The following DDX6 variants were observed in gnomAD, a reference collection of about 807,000 sequenced individuals.
The protein encoded by DDX6 is DEAD-box helicase 6, also known as probable ATP-dependent RNA helicase DDX6.
Under a neutral mutation model 60.6 loss-of-function variants are expected in DDX6, and 7 were observed. The ratio of observed to expected loss-of-function variants is 0.12; its 90% CI spans 0.07 to 0.22. The LOEUF (loss-of-function observed/expected upper bound fraction) is 0.22, where lower values mean the gene tolerates loss of function less well. Among genes scored for constraint, DDX6 ranks in the 10% least tolerant of loss-of-function variants. The probability of loss-of-function intolerance (pLI) is 1.00; values close to 1 mark genes in which losing one functional copy is unlikely to be tolerated. For synonymous variants in DDX6, 207 were observed against 201.0 expected (o/e 1.03, Z -0.25); for missense variants, 270 against 589.9 (o/e 0.46, Z 5.62).
chr11:118,754,558 G>A, intron 13 of DDX6, 147 bp downstream of exon 13: 1 of 653,988 alleles, frequency 1.5e-6, no homozygotes, highest in Admixed American at 3.4e-5. Flanking sequence ...CCTCCCACAA[G>A]AGATATTATT....
intron 13 of DDX6, among the ~76,000 whole-genome samples, 187 bp from the exon 14 acceptor site, chr11:118,752,284 CTGAA>C (rs1217188679): frequency 6.6e-6 from 1 of 152,088 alleles, no homozygotes; most frequent in Non-Finnish European, 1.5e-5. Context: ...GATTGGGGGC[CTGAA>C]TGAATGTGAA....
chr11:118,748,798 T>TTCCAACAATTTATA lies in DDX6; in HGVS notation c.*3293_*3306dup, dbSNP rs1299497725. 1 of 151,266 alleles carries TTCCAACAATTTATA rather than the reference T, an allele frequency of 6.6e-6. No homozygotes were observed. The highest frequency in any genetic ancestry group is 2.4e-5 in the African/African-American group (1 of 41,044). 9.4% of individuals were successfully genotyped at this position (151,266 alleles called of 1,614,324 possible). On this transcript the variant is annotated 3_prime_UTR_variant, in exon 14 of 14. Transcript: ENST00000534980. Reference sequence around the variant, plus strand: ...ACGTCATCAGAATGAGATGTTTTGATTCCAACAATTTATACTCAAGGCTTT... The same window carrying TTCCAACAATTTATA: ...ACGTCATCAGAATGAGATGTTTTGATTCCAACAATTTATATCCAACAATTTATACTCAAGGCTTT...
chr11:118,755,006 G>A (rs1291494376), intron 12 of DDX6, 119 bp from the exon 13 acceptor site: 4 of 936,320 alleles, frequency 4.3e-6, no homozygotes, highest in Middle Eastern at 3.3e-4. Context: ...GCCATTCTTA[G>A]TATGCAAAAC....
intron 4 of DDX6, among the ~76,000 whole-genome samples, chr11:118,778,567 C>T (rs948274737): frequency 3.9e-5 from 6 of 152,274 alleles, no homozygotes; most frequent in Non-Finnish European, 8.8e-5. Context: ...GAACATCTAT[C>T]TTACTGGGTT....
intron 7 of DDX6, among the ~76,000 whole-genome samples, chr11:118,761,766 G>C (rs182188481): frequency 6.7e-6 from 1 of 150,076 alleles, no homozygotes; most frequent in South Asian, 2.1e-4. Flanking sequence ...AGTATAAAAC[G>C]TATTTTATAA....
chr11:118,766,058 C>A (rs942474469), intron 5 of DDX6, among the ~76,000 whole-genome samples: 5 of 148,080 alleles, frequency 3.4e-5, no homozygotes, highest in African/African-American at 1.3e-4. Flanking sequence ...GCAACAAGAG[C>A]GAAACTCCGT....
At chr11:118,755,670 C>T (rs572395690) in intron 11 of DDX6, among the ~76,000 whole-genome samples, 167 bp from the exon 12 acceptor site, 13 of 152,228 alleles carry the variant, frequency 8.5e-5, no homozygotes, top group African/African-American at 3.1e-4. Flanking sequence ...TCATAAATAA[C>T]TTTCTGCTCC....
intron 1 of DDX6, chr11:118,789,606 A>G (rs1862197713): frequency 6.6e-6 from 1 of 152,206 alleles, no homozygotes; most frequent in Non-Finnish European, 1.5e-5. Context: ...TGACCTCTTA[A>G]GCAGATATGG....
rs144579448 is a variant in DDX6 at position 118,774,292 on chromosome 11, T to C, written c.369+5340A>G. Among the ~76,000 whole-genome samples the C allele has an allele frequency of 3.8e-3, 585 of 152,244 alleles. 1 individual carries two copies. Among genetic ancestry groups the C allele is most frequent in the Non-Finnish European group, 6.3e-3 (428 of 68,018 alleles). On this transcript the variant is annotated intron_variant, in intron 4 of 13. Transcript: ENST00000534980. Reference sequence around the variant, plus strand: ...AGAAGTCTAGGTTCCTATAAAGCTATACCTTTAGAATGGCAATTATTCTAC... The same window carrying C: ...AGAAGTCTAGGTTCCTATAAAGCTACACCTTTAGAATGGCAATTATTCTAC...
chr11:118,766,900 G>A (rs977588579), intron 5 of DDX6, among the ~76,000 whole-genome samples: 3 of 13,540 alleles, frequency 2.2e-4, no homozygotes, highest in African/African-American at 6.1e-4. Context: ...CTGCTTCTTC[G>A]TTTTGAGACA....
chr11:118,756,010 TCCCCCTCCC>T (rs1187088697), intron 11 of DDX6, among the ~76,000 whole-genome samples: 2 of 39,350 alleles, frequency 5.1e-5, no homozygotes, highest in African/African-American at 2.0e-4. Context: ...AAAGATTCCA[TCCCCCTCCC>T]CCCCCCCCCC....
chr11:118,767,664 A>C (rs1861402665), intron 5 of DDX6: 1 of 108,644 alleles, frequency 9.2e-6, no homozygotes, highest in Admixed American at 1.4e-4. Context: ...TGAGAGTCTC[A>C]CTCTGTCACC....
intron 7 of DDX6, among the ~76,000 whole-genome samples, chr11:118,761,057 T>C (rs183756708): frequency 6.6e-6 from 1 of 151,692 alleles, no homozygotes; most frequent in African/African-American, 2.4e-5. Context: ...GAAGAACTGC[T>C]TGAACCTGGG....
Position 118,750,300 on chromosome 11 carries a change from C to T in DDX6, c.*1805G>A, listed in dbSNP as rs1555156888. ...TTCACTGGTTTTGATTCATCTCACT[C>T]CTTTTGCCTGGAGATCAGGCCAAAC... On this transcript the variant is annotated 3_prime_UTR_variant, in exon 14 of 14. Transcript: ENST00000534980. 1 of 152,248 alleles carries T rather than the reference C, an allele frequency of 6.6e-6. No homozygotes were observed. Among genetic ancestry groups the T allele is most frequent in the Non-Finnish European group, 1.5e-5 (1 of 67,992 alleles). The allele number at this position is 152,248 out of a possible 1,614,324, so 9.4% of individuals were successfully genotyped here. A position where few individuals can be genotyped will look rare whatever the true frequency, so the allele number is the denominator to read the frequency against.
chr11:118,754,088 ACT>A (rs1417095134), intron 13 of DDX6, among the ~76,000 whole-genome samples: 31 of 151,976 alleles, frequency 2.0e-4, no homozygotes, highest in African/African-American at 7.0e-4. Flanking sequence ...ACAGAGCAAG[ACT>A]CTCAAAAAAC....
chr11:118,770,352 G>A (rs1417124943), intron 4 of DDX6, among the ~76,000 whole-genome samples: 1 of 152,098 alleles, frequency 6.6e-6, no homozygotes, highest in Non-Finnish European at 1.5e-5. Flanking sequence ...CTAAAACTAA[G>A]ATACTAGGAA....
chr11:118,785,603 G>T (rs1862047830), intron 2 of DDX6, among the ~76,000 whole-genome samples: 1 of 151,740 alleles, frequency 6.6e-6, no homozygotes, highest in Non-Finnish European at 1.5e-5. Context: ...AGTTCAGAAG[G>T]CTGGGCAAGT....
chr11:118,773,335 C>T (rs782370337), intron 4 of DDX6, among the ~76,000 whole-genome samples: 9 of 151,656 alleles, frequency 5.9e-5, no homozygotes, highest in Non-Finnish European at 8.8e-5. Context: ...TTTGGGAGGC[C>T]GAGGTGGGCA....
chr11:118,779,609 T>C (rs1398856042), intron 4 of DDX6, 23 bp downstream of exon 4: 8 of 1,475,030 alleles, frequency 5.4e-6, no homozygotes, highest in Non-Finnish European at 6.6e-6. Flanking sequence ...ACCTTACATA[T>C]GTGATAAAAA....
Sources: allele counts gnomAD v4.1 joint callset (sites outside exome capture counted in the v4.1 genomes callset), GRCh38; gene constraint gnomAD v4.1.1; transcripts MANE v1.5; gene names NCBI Gene and HGNC (gene_info 2026-07-23, HGNC 2026-07-21).